DPP6: variants seen among roughly 807,000 people sequenced by gnomAD.
DPP6 encodes the protein dipeptidyl peptidase like 6.
DPP6 carries 69 observed loss-of-function variants against 122.6 expected under a neutral mutation model. That is an observed-to-expected ratio of 0.56 (90% CI 0.46 to 0.69). The LOEUF is 0.69. Ranked by LOEUF, DPP6 falls within the 30% of genes least tolerant of loss-of-function variation. The pLI is 0.00. For synonymous variants in DPP6, 418 were observed against 433.1 expected (o/e 0.97, Z 0.43); for missense variants, 928 against 1,116.9 (o/e 0.83, Z 2.41).
At chr7:154,177,320 A>T (rs1029429028) in intron 1 of DPP6, among the ~76,000 whole-genome samples, 1 of 152,218 alleles carries the variant, frequency 6.6e-6, no homozygotes, top group African/African-American at 2.4e-5. Context: ...TAGCTTTACC[A>T]ATGAGATATG....
intron 1 of DPP6, among the ~76,000 whole-genome samples, chr7:154,426,848 C>CA (rs1817961074): frequency 7.0e-6 from 1 of 143,094 alleles, no homozygotes; most frequent in Admixed American, 7.0e-5. Flanking sequence ...CATAAATATT[C>CA]AAAAAAGTTT....
intron 1 of DPP6, among the ~76,000 whole-genome samples, chr7:154,031,613 GA>G (rs531606174): frequency 1.3e-3 from 203 of 151,588 alleles, no homozygotes; most frequent in Middle Eastern, 6.8e-3. Context: ...GATAAGCTTT[GA>G]GACTCTAGGC....
chr7:154,386,365 GA>G (rs1814114245), intron 1 of DPP6, among the ~76,000 whole-genome samples: 1 of 151,888 alleles, frequency 6.6e-6, no homozygotes, highest in Non-Finnish European at 1.5e-5. Context: ...CTTGGATCGA[GA>G]ACATTCAGAA....
chr7:153,887,697 C>T, exon 1 of DPP6: 2 of 1,613,898 alleles, frequency 1.2e-6, no homozygotes, highest in Non-Finnish European at 1.7e-6. Flanking sequence ...AAGGAAAAGG[C>T]CATGATCAAG....
At chr7:154,010,576 G>A (rs2129048697) in intron 1 of DPP6, among the ~76,000 whole-genome samples, 1 of 152,340 alleles carries the variant, frequency 6.6e-6, no homozygotes, top group East Asian at 1.9e-4. Context: ...CACAGGATTA[G>A]GTTTTGTTCT....
At chr7:154,828,462 C>G (rs1246501551) in intron 16 of DPP6, among the ~76,000 whole-genome samples, 2 of 152,144 alleles carry the variant, frequency 1.3e-5, no homozygotes, top group Admixed American at 6.5e-5. Context: ...ATGACAAAGT[C>G]TTGTTCTCAA....
chr7:154,159,884 A>G (rs3111942), intron 1 of DPP6, among the ~76,000 whole-genome samples: 121,855 of 149,396 alleles, frequency 0.82, 49,488 homozygotes, highest in East Asian at 0.98. Context: ...CAAGGCAGGA[A>G]GATTTCTTCA....
upstream of DPP6, among the ~76,000 whole-genome samples, chr7:154,051,590 T>C (rs548850122): frequency 1.5e-3 from 218 of 147,392 alleles, no homozygotes; most frequent in African/African-American, 5.4e-3. Flanking sequence ...AGTGGAGCCA[T>C]GTCGCCCTCC....
chr7:154,083,159 G>A (rs7357097), intron 1 of DPP6, among the ~76,000 whole-genome samples: 97,802 of 151,776 alleles, frequency 0.64, 31,871 homozygotes, highest in African/African-American at 0.72. Flanking sequence ...TGTGCCTATC[G>A]TTTAACTGAC....
At chr7:154,862,777 A>AAAT (rs1803518858) in intron 17 of DPP6, among the ~76,000 whole-genome samples, 1 of 152,186 alleles carries the variant, frequency 6.6e-6, no homozygotes, top group Admixed American at 6.5e-5. Context: ...GAAGGACCAA[A>AAAT]AATAAATGCC....
the DPP6 span, among the ~76,000 whole-genome samples, chr7:153,775,361 C>A: frequency 6.8e-6 from 1 of 146,936 alleles, no homozygotes; most frequent in African/African-American, 2.5e-5. Flanking sequence ...TCGTGATAGA[C>A]AATTCTCAGT....
At chr7:154,815,578 A>G (rs1050584036) in intron 16 of DPP6, among the ~76,000 whole-genome samples, 2 of 152,236 alleles carry the variant, frequency 1.3e-5, no homozygotes, top group African/African-American at 4.8e-5. Context: ...AAATGTCCAA[A>G]TGCCACCAGG....
chr7:154,888,087 C>CTTTTT (rs532540671), intron 23 of DPP6, among the ~76,000 whole-genome samples: 1 of 118,936 alleles, frequency 8.4e-6, no homozygotes, highest in Non-Finnish European at 1.7e-5. Flanking sequence ...GGAGAGTGAG[C>CTTTTT]TTTTTTTTTT....
chr7:154,206,094 C>T (rs554790018), intron 1 of DPP6, among the ~76,000 whole-genome samples: 2 of 152,368 alleles, frequency 1.3e-5, no homozygotes, highest in African/African-American at 2.4e-5. Context: ...AGCCAAAGGG[C>T]AGGATGTCCC....
intron 1 of DPP6, among the ~76,000 whole-genome samples, chr7:154,304,935 C>G (rs947709729): frequency 5.3e-5 from 8 of 152,154 alleles, no homozygotes; most frequent in Admixed American, 5.2e-4. Flanking sequence ...CCGGGCGCGG[C>G]GCGGGGCCCT....
chr7:154,854,485 G>T (rs1802657681), intron 17 of DPP6, among the ~76,000 whole-genome samples: 1 of 152,104 alleles, frequency 6.6e-6, no homozygotes, highest in South Asian at 2.1e-4. Context: ...CAAGATCCTT[G>T]CTGAAGGCAG....
chr7:154,101,931 A>G (rs1318238149), intron 1 of DPP6, among the ~76,000 whole-genome samples: 2 of 122,352 alleles, frequency 1.6e-5, no homozygotes, highest in Admixed American at 1.8e-4. Context: ...TCCATACTCC[A>G]TCTCAAAAAA....
intron 1 of DPP6, among the ~76,000 whole-genome samples, chr7:153,887,912 G>A (rs1340006232): frequency 1.3e-5 from 2 of 152,104 alleles, no homozygotes; most frequent in Non-Finnish European, 2.9e-5. Flanking sequence ...AGGGGGATGC[G>A]GAGGAGCAGG....
intron 1 of DPP6, among the ~76,000 whole-genome samples, chr7:154,341,929 G>A (rs12540603): frequency 0.11 from 16,974 of 152,094 alleles, 1,389 homozygotes; most frequent in African/African-American, 0.22. Context: ...CATAAAAACC[G>A]AAGTTGCTGG....
Sources: allele counts gnomAD v4.1 joint callset (sites outside exome capture counted in the v4.1 genomes callset), GRCh38; gene constraint gnomAD v4.1.1; transcripts MANE v1.5; gene names NCBI Gene and HGNC (gene_info 2026-07-23, HGNC 2026-07-21).